DPYD: variants seen among roughly 807,000 people sequenced by gnomAD.
DPYD encodes the protein dihydropyrimidine dehydrogenase [NADP(+)].
In DPYD, 109 loss-of-function variants were observed where a neutral mutation model predicts 116.2. The observed-to-expected ratio is 0.94, with a 90% CI of 0.80 to 1.10. The LOEUF (loss-of-function observed/expected upper bound fraction) is 1.10, where lower values mean the gene tolerates loss of function less well. Among genes scored for constraint, DPYD ranks in the 50% least tolerant of loss-of-function variants. The pLI, the probability that DPYD is intolerant of heterozygous loss-of-function variation, is 0.00. For synonymous variants in DPYD, 440 were observed against 432.0 expected (o/e 1.02, Z -0.23); for missense variants, 1,302 against 1,254.5 (o/e 1.04, Z -0.57).
chr1:97,743,056 T>C (rs72734021), intron 3 of DPYD, among the ~76,000 whole-genome samples: 1,566 of 152,270 alleles, frequency 0.01, 14 homozygotes, highest in Non-Finnish European at 0.018. Context: ...TTTTCTGTTC[T>C]TCCAGAGAAA....
chr1:97,311,953 G>C (rs1570487008), intron 16 of DPYD, among the ~76,000 whole-genome samples: 1 of 150,394 alleles, frequency 6.6e-6, no homozygotes, highest in Admixed American at 6.6e-5. Context: ...GTGTTAAAGT[G>C]GACAGAGAGG....
intron 20 of DPYD, among the ~76,000 whole-genome samples, chr1:97,170,153 A>C (rs952856549): frequency 2.0e-5 from 3 of 152,168 alleles, no homozygotes; most frequent in Admixed American, 2.0e-4. Flanking sequence ...TGGCCCTCAT[A>C]AGTTTTCTCT....
At chr1:97,564,533 CTGTTTT>C (rs1652384755) in intron 11 of DPYD, among the ~76,000 whole-genome samples, 1 of 152,250 alleles carries the variant, frequency 6.6e-6, no homozygotes, top group East Asian at 1.9e-4. Flanking sequence ...TTCCCAATGT[CTGTTTT>C]CAGTCATTCT....
chr1:97,297,399 A>T (rs1168071461), intron 18 of DPYD, among the ~76,000 whole-genome samples: 4 of 152,182 alleles, frequency 2.6e-5, no homozygotes, highest in Non-Finnish European at 5.9e-5. Flanking sequence ...TCTACCAGCC[A>T]TTCACATGGT....
chr1:97,582,342 A>C (rs1204683934), intron 10 of DPYD, among the ~76,000 whole-genome samples: 1 of 152,198 alleles, frequency 6.6e-6, no homozygotes, highest in East Asian at 1.9e-4. Context: ...TGTATCCTTG[A>C]AGTTAATAAT....
intron 2 of DPYD, among the ~76,000 whole-genome samples, chr1:97,841,989 T>C (rs1027565703): frequency 3.3e-5 from 5 of 151,882 alleles, no homozygotes; most frequent in African/African-American, 1.2e-4. Flanking sequence ...AAAATTTGCA[T>C]TATTATTAAA....
intron 18 of DPYD, among the ~76,000 whole-genome samples, chr1:97,274,719 T>C (rs2100907145): frequency 6.6e-6 from 1 of 152,276 alleles, no homozygotes; most frequent in South Asian, 2.1e-4. Flanking sequence ...AAACGCGCAA[T>C]TACTTTTGCA....
intron 20 of DPYD, among the ~76,000 whole-genome samples, chr1:97,124,175 TG>T (rs11329805): frequency 0.27 from 41,152 of 151,920 alleles, 6,153 homozygotes; most frequent in East Asian, 0.59. Context: ...AATTTCCTAA[TG>T]GACTTCTTCC....
At chr1:97,630,657 T>G (rs773383599) in intron 8 of DPYD, among the ~76,000 whole-genome samples, 1 of 152,146 alleles carries the variant, frequency 6.6e-6, no homozygotes, top group Non-Finnish European at 1.5e-5. Context: ...AATAATTCAT[T>G]TCAGGTCAAG....
chr1:97,537,981 C>T lies in DPYD; in HGVS notation c.1524+11579G>A, dbSNP rs183076151. Among the ~76,000 whole-genome samples, 345 of 151,902 alleles carry T rather than the reference C, an allele frequency of 2.3e-3. 4 individuals are homozygous for T. The highest frequency in any genetic ancestry group is 7.7e-3 in the African/African-American group (319 of 41,402). ...ACTTGGGAGGCTGAGGCCAGAGAAT[C>T]GCTTGAACCCGGGAGGCGGAGGTTG... is the stretch of plus-strand genomic sequence containing the variant. On this transcript the variant is annotated intron_variant, in intron 12 of 22. Transcript: ENST00000370192.
At chr1:97,819,234 AT>A (rs574388752) in intron 3 of DPYD, among the ~76,000 whole-genome samples, 95 of 152,074 alleles carry the variant, frequency 6.2e-4, no homozygotes, top group African/African-American at 1.9e-3. Context: ...TTCTCTGCTG[AT>A]TTGGGGAGTA....
At chr1:97,640,805 GA>G (rs1192437624) in intron 8 of DPYD, among the ~76,000 whole-genome samples, 1 of 151,550 alleles carries the variant, frequency 6.6e-6, no homozygotes, top group Non-Finnish European at 1.5e-5. Context: ...TCCCCTGGGT[GA>G]AAAAAAATGG....
intron 8 of DPYD, among the ~76,000 whole-genome samples, chr1:97,656,823 T>TA (rs1374915012): frequency 5.3e-5 from 8 of 152,110 alleles, no homozygotes; most frequent in African/African-American, 1.9e-4. Context: ...TTTTTATTTT[T>TA]TTTTTTTTCA....
At chr1:97,637,034 A>G (rs971030379) in intron 8 of DPYD, among the ~76,000 whole-genome samples, 3 of 152,166 alleles carry the variant, frequency 2.0e-5, no homozygotes, top group Admixed American at 6.5e-5. Flanking sequence ...GCAGAAAAAA[A>G]CATTGTTGGA....
At chr1:97,501,676 T>C (rs1281651339) in intron 13 of DPYD, among the ~76,000 whole-genome samples, 1 of 152,016 alleles carries the variant, frequency 6.6e-6, no homozygotes, top group Non-Finnish European at 1.5e-5. Context: ...CCAGCCTGGA[T>C]GACAGTATGA....
chr1:97,596,128 T>A (rs971633964), intron 8 of DPYD, among the ~76,000 whole-genome samples: 7 of 152,008 alleles, frequency 4.6e-5, no homozygotes, highest in African/African-American at 9.7e-5. Context: ...AATGAAGAAA[T>A]TAGTTTTACC....
At position 97,751,492 on chromosome 1, in the gene DPYD, A is replaced by ATATATATG. The variant is rs1265776238; in HGVS notation, c.234-11014_234-11013insCATATATA. On this transcript the variant is annotated intron_variant, in intron 3 of 22. Transcript: ENST00000370192. ...TATATATATATATATATATATATAT[A>ATATATATG]TATGGCAGGGGACAGTGGCTCACGC... Among the ~76,000 whole-genome samples the ATATATATG allele has an allele frequency of 5.5e-4, 74 of 134,648 alleles. 3 individuals carry two copies. In the East Asian group the frequency reaches 0.014, roughly 25 times the overall value. The allele number at this position is 134,648 out of a possible 152,430, so 88.3% of individuals were successfully genotyped here. A position where few individuals can be genotyped will look rare whatever the true frequency, so the allele number is the denominator to read the frequency against.
chr1:97,129,114 G>A (rs1317651221), intron 20 of DPYD, among the ~76,000 whole-genome samples: 1 of 150,530 alleles, frequency 6.6e-6, no homozygotes, highest in East Asian at 1.9e-4. Flanking sequence ...ACCCAGGATG[G>A]AGTGCAATGG....
intron 14 of DPYD, among the ~76,000 whole-genome samples, chr1:97,424,278 T>G (rs1217451511): frequency 6.6e-6 from 1 of 152,118 alleles, no homozygotes; most frequent in Non-Finnish European, 1.5e-5. Flanking sequence ...GGTGAGGCTC[T>G]AGAACTTTTG....
Sources: allele counts gnomAD v4.1 joint callset (sites outside exome capture counted in the v4.1 genomes callset), GRCh38; gene constraint gnomAD v4.1.1; transcripts MANE v1.5; gene names NCBI Gene and HGNC (gene_info 2026-07-23, HGNC 2026-07-21).